Variants in ASIP observed in about 807,000 individuals in gnomAD.
ASIP encodes the protein agouti-signaling protein.
ASIP carries 11 observed loss-of-function variants against 10.3 expected under a neutral mutation model. The observed-to-expected ratio is 1.07, with a 90% CI of 0.68 to 1.78. The LOEUF (loss-of-function observed/expected upper bound fraction) is 1.78. ASIP is among the 40% of genes most tolerant of loss of function. ASIP has a pLI of 0.00. For synonymous variants in ASIP, 70 were observed against 70.8 expected, an observed-to-expected ratio of 0.99 and a Z score of 0.06; for missense variants, 180 against 169.2, an observed-to-expected ratio of 1.06 and a Z score of -0.35.
At chr20:34,205,024 T>G (rs2034925360) in intron 1 of ASIP, among the ~76,000 whole-genome samples, 1 of 152,242 alleles carries the variant, frequency 6.6e-6, no homozygotes, top group Non-Finnish European at 1.5e-5. Context: ...TAAATTATAC[T>G]TAATTATACT....
intron 1 of ASIP, among the ~76,000 whole-genome samples, chr20:34,243,421 A>G (rs1033935330): frequency 1.3e-5 from 2 of 152,148 alleles, no homozygotes; most frequent in African/African-American, 4.8e-5. Flanking sequence ...GATACAGCCC[A>G]AGAGATCAAA....
chr20:34,268,345 T>A (rs186328222), intron 3 of ASIP, among the ~76,000 whole-genome samples: 4 of 152,184 alleles, frequency 2.6e-5, no homozygotes, highest in Non-Finnish European at 5.9e-5. Context: ...GGCAGCGAAG[T>A]TAACAGGGGT....
intron 1 of ASIP, among the ~76,000 whole-genome samples, chr20:34,225,457 C>A (rs1307368064): frequency 6.6e-6 from 1 of 151,508 alleles, no homozygotes; most frequent in African/African-American, 2.4e-5. Context: ...CTTTATAATA[C>A]TTTTTAACAT....
intron 1 of ASIP, chr20:34,246,285 C>T: frequency 6.4e-7 from 1 of 1,551,450 alleles, no homozygotes; most frequent in Non-Finnish European, 8.7e-7. Flanking sequence ...TCTTCCCCTG[C>T]TGTTCCTTGA....
At chr20:34,195,082 T>G (rs1243257247) in intron 1 of ASIP, among the ~76,000 whole-genome samples, 1 of 151,724 alleles carries the variant, frequency 6.6e-6, no homozygotes, top group Non-Finnish European at 1.5e-5. Context: ...TTGTTGTAGT[T>G]GCTGGCCACT....
Position 34,269,282 on chromosome 20 carries a change from G to A in ASIP, c.*115G>A. ...GGCTGCAGGCGGGCGGAGGTTCCAG[G>A]AGATGGGACTTCAGGGAGACCTGGC... On this transcript the variant is annotated 3_prime_UTR_variant, in exon 4 of 4. Coordinates refer to ENST00000374954, the MANE Select transcript of ASIP (RefSeq NM_001672.3). The A allele has an allele frequency of 7.8e-7, 1 of 1,288,120 alleles. No homozygotes were observed. The highest frequency in any genetic ancestry group is 1.6e-5 in the African/African-American group (1 of 62,944). The allele number at this position is 1,288,120 out of a possible 1,614,324, so 79.8% of individuals were successfully genotyped here.
chr20:34,223,935 T>C (rs1293122492), intron 1 of ASIP, among the ~76,000 whole-genome samples: 9 of 105,430 alleles, frequency 8.5e-5, no homozygotes, highest in South Asian at 7.6e-4. Context: ...CCCTGTGCTC[T>C]CTGAAACATG....
intron 1 of ASIP, among the ~76,000 whole-genome samples, chr20:34,227,398 C>T (rs865792617): frequency 5.3e-5 from 8 of 151,962 alleles, no homozygotes; most frequent in South Asian, 2.1e-4. Context: ...TTAGGGAGGC[C>T]GAGGCAGGCG....
chr20:34,188,476 T>C, the ASIP span, among the ~76,000 whole-genome samples: 3 of 152,166 alleles, frequency 2.0e-5, no homozygotes, highest in Admixed American at 1.3e-4. Flanking sequence ...TCAGTGGGGG[T>C]TGATGTGTCA....
chr20:34,263,679 T>C (rs1312401633), intron 3 of ASIP, among the ~76,000 whole-genome samples: 3 of 151,970 alleles, frequency 2.0e-5, no homozygotes, highest in South Asian at 4.2e-4. Flanking sequence ...TTTTTTCTTT[T>C]TTTTTGAGAT....
intron 1 of ASIP, among the ~76,000 whole-genome samples, chr20:34,251,602 G>C (rs1403398961): frequency 6.6e-6 from 1 of 152,172 alleles, no homozygotes; most frequent in Non-Finnish European, 1.5e-5. Context: ...AAGCTGCCCA[G>C]TGGCACAATG....
intron 1 of ASIP, among the ~76,000 whole-genome samples, chr20:34,244,588 A>T (rs952195569): frequency 6.6e-6 from 1 of 152,202 alleles, no homozygotes; most frequent in Non-Finnish European, 1.5e-5. Flanking sequence ...TCATTTTCCA[A>T]TTGTTCATTT....
At chr20:34,192,275 C>T (rs1601565769), upstream of ASIP, among the ~76,000 whole-genome samples, 8 of 152,112 alleles carry the variant, frequency 5.3e-5, no homozygotes, top group South Asian at 1.7e-3. Context: ...AGGTGATCCA[C>T]CCACCTTGGC....
At chr20:34,193,278 G>A (rs184741705), upstream of ASIP, among the ~76,000 whole-genome samples, 322 of 152,260 alleles carry the variant, frequency 2.1e-3, 11 homozygotes, top group South Asian at 0.049. Flanking sequence ...TGTAGTATCC[G>A]GCAGCAAAGT....
chr20:34,213,122 T>C (rs2034985070), intron 1 of ASIP, among the ~76,000 whole-genome samples: 1 of 152,234 alleles, frequency 6.6e-6, no homozygotes, highest in Non-Finnish European at 1.5e-5. Flanking sequence ...TGAATAGACC[T>C]AATGCTGCTA....
chr20:34,191,972 C>G (rs188758331), upstream of ASIP, among the ~76,000 whole-genome samples: 1 of 152,312 alleles, frequency 6.6e-6, no homozygotes, highest in African/African-American at 2.4e-5. Context: ...CTCAGGTAAT[C>G]CACCTGCCTC....
At chr20:34,200,680 A>G in intron 1 of ASIP, among the ~76,000 whole-genome samples, 1 of 152,226 alleles carries the variant, frequency 6.6e-6, no homozygotes, top group East Asian at 1.9e-4. Flanking sequence ...TTGGGGTGCA[A>G]TTAAACAATA....
At chr20:34,197,714 T>G (rs2034867387) in intron 1 of ASIP, among the ~76,000 whole-genome samples, 1 of 152,190 alleles carries the variant, frequency 6.6e-6, no homozygotes, top group South Asian at 2.1e-4. Flanking sequence ...AAAAACTTGC[T>G]GGCTCCTAGT....
In ASIP at chr20:34,260,447, C is replaced by T. The variant is rs757360096; in HGVS notation, c.73C>T (p.Pro25Ser). The T allele has an allele frequency of 6.2e-7, 1 of 1,614,176 alleles. No homozygotes were observed. Among genetic ancestry groups the T allele is most frequent in the Non-Finnish European group, 8.5e-7 (1 of 1,180,010 alleles). ...CTTCTTCACTGCCAACAGCCACCTG[C>T]CACCTGAGGAGAAGCTCCGAGATGA... is the stretch of plus-strand genomic sequence containing the variant. Reference protein sequence around the residue: ...LCFFTANSHLPPEEKLRDDRS... With the variant: ...LCFFTANSHLSPEEKLRDDRS... Residue 25 changes from proline (P) to serine (S), a missense_variant, in exon 2 of 4, where the codon CCA (proline) becomes TCA (serine). By Grantham distance (74) the Pro-to-Ser change is moderately conservative (BLOSUM62 -1). Transcript: ENST00000374954.
Sources: gnomAD v4.1 joint callset for allele counts (sites outside exome capture counted in the v4.1 genomes callset) on GRCh38, gnomAD v4.1.1 for gene constraint, MANE v1.5 for transcripts, NCBI Gene and HGNC (gene_info 2026-07-23, HGNC 2026-07-21) for gene names.